RAD51B: variants seen among roughly 807,000 people sequenced by gnomAD.
The protein encoded by RAD51B is DNA repair protein RAD51 homolog 2.
Under a neutral mutation model 42.2 loss-of-function variants are expected in RAD51B, and 38 were observed. The observed-to-expected ratio is 0.90, with a 90% CI of 0.70 to 1.18. RAD51B has a LOEUF of 1.18. Ranked by LOEUF, RAD51B falls within the 50% of genes most tolerant of loss-of-function variation. The pLI is 0.00. For missense variants in RAD51B, 373 were observed against 400.7 expected, an observed-to-expected ratio of 0.93 and a Z score of 0.59; for synonymous variants, 154 against 145.2, an observed-to-expected ratio of 1.06 and a Z score of -0.43.
intron 7 of RAD51B, among the ~76,000 whole-genome samples, chr14:68,268,048 G>C: frequency 6.6e-6 from 1 of 152,114 alleles, no homozygotes; most frequent in Admixed American, 6.5e-5. Context: ...GAATAGAGTG[G>C]CTAGGAGAGA....
chr14:68,635,940 G>A (rs1892331418), intron 10 of RAD51B, among the ~76,000 whole-genome samples: 1 of 152,274 alleles, frequency 6.6e-6, no homozygotes, highest in African/African-American at 2.4e-5. Flanking sequence ...CCCCTCCCAG[G>A]GAGGAAAACA....
chr14:67,823,622 TG>T lies in RAD51B; in HGVS notation c.80del (p.Cys27PhefsTer13), dbSNP rs1230883944. ...DRLSRHQILT[C>X]QDFLCLSPLE... is the part of the protein sequence containing the mutation. ...TCTGAGTAGACATCAGATCCTTACC[TG>T]TCAGGTAAATTTTATTTAACATTTT... is the stretch of plus-strand genomic sequence containing the variant. On this transcript the variant is annotated frameshift_variant, in exon 2 of 11. Coordinates refer to ENST00000471583, the MANE Select transcript of RAD51B (RefSeq NM_133510.4). LOFTEE classifies it high-confidence loss of function. 1.2e-6 allele frequency: 2 copies of T among 1,610,454 alleles called. No individual in the cohort carries two copies. Among genetic ancestry groups the T allele is most frequent in the Non-Finnish European group, 1.7e-6 (2 of 1,178,292 alleles).
At chr14:68,310,777 A>G (rs2081954235) in intron 8 of RAD51B, among the ~76,000 whole-genome samples, 1 of 152,142 alleles carries the variant, frequency 6.6e-6, no homozygotes, top group Non-Finnish European at 1.5e-5. Context: ...CCTGGGAGGC[A>G]GAGGTTTCAG....
intron 7 of RAD51B, among the ~76,000 whole-genome samples, chr14:67,983,952 T>C (rs1341486008): frequency 2.0e-5 from 3 of 151,980 alleles, no homozygotes; most frequent in Non-Finnish European, 4.4e-5. Flanking sequence ...TTCTTTCTTT[T>C]TTTTCTTGAC....
intron 7 of RAD51B, among the ~76,000 whole-genome samples, chr14:68,010,216 G>A (rs1016259489): frequency 1.3e-5 from 2 of 151,822 alleles, no homozygotes; most frequent in Admixed American, 1.3e-4. Context: ...ATAGCACTAA[G>A]GAGAGTTGTA....
At chr14:67,978,311 T>TA (rs2075031416) in intron 7 of RAD51B, among the ~76,000 whole-genome samples, 2 of 152,334 alleles carry the variant, frequency 1.3e-5, no homozygotes, top group Admixed American at 1.3e-4. Context: ...TCTTGATTCT[T>TA]ACCTTTTATC....
chr14:68,265,824 T>A (rs536961367), intron 7 of RAD51B, among the ~76,000 whole-genome samples: 1 of 152,282 alleles, frequency 6.6e-6, no homozygotes, highest in East Asian at 1.9e-4. Context: ...ATTCTGTTGG[T>A]ATGAATCAAG....
At chr14:68,013,814 A>G (rs2075728921) in intron 7 of RAD51B, among the ~76,000 whole-genome samples, 1 of 152,200 alleles carries the variant, frequency 6.6e-6, no homozygotes, top group African/African-American at 2.4e-5. Context: ...AATGTCTTAA[A>G]TAAGTACAAA....
intron 10 of RAD51B, among the ~76,000 whole-genome samples, chr14:68,645,507 T>G (rs1199692222): frequency 6.6e-6 from 1 of 152,270 alleles, no homozygotes; most frequent in Non-Finnish European, 1.5e-5. Context: ...ATTTTGGGTA[T>G]GTACCCAGAA....
At chr14:68,580,670 C>T (rs1890172072) in intron 10 of RAD51B, among the ~76,000 whole-genome samples, 1 of 152,200 alleles carries the variant, frequency 6.6e-6, no homozygotes, top group Non-Finnish European at 1.5e-5. Flanking sequence ...ACGCCTGCCC[C>T]ACACCTCCCA....
rs543398328 is a variant in RAD51B, at chr14:68,638,076, C to T, written c.1037-12705C>T. ...GTAAGAGGCCTCAAAGTCACAATGT[C>T]CCTCGGGAGAGAAAGGAGAGAAGGC... On this transcript the variant is annotated intron_variant, in intron 10 of 11. Transcript: ENST00000488612. Among the ~76,000 whole-genome samples the T allele has an allele frequency of 2.0e-5, 3 of 152,314 alleles. No homozygotes were observed. In the East Asian group the frequency reaches 5.8e-4, roughly 29 times the overall value.
intron 11 of RAD51B, among the ~76,000 whole-genome samples, chr14:68,663,875 C>A (rs1444654315): frequency 6.6e-6 from 1 of 152,208 alleles, no homozygotes; most frequent in Non-Finnish European, 1.5e-5. Flanking sequence ...AGTCCCCTCT[C>A]ACAAATTCTT....
At chr14:68,052,207 C>G (rs2140421523) in intron 7 of RAD51B, among the ~76,000 whole-genome samples, 1 of 152,280 alleles carries the variant, frequency 6.6e-6, no homozygotes, top group Non-Finnish European at 1.5e-5. Flanking sequence ...CCAGAAATCT[C>G]TTAAATTACA....
At chr14:68,383,655 A>C (rs1234531515) in intron 8 of RAD51B, among the ~76,000 whole-genome samples, 3 of 152,122 alleles carry the variant, frequency 2.0e-5, no homozygotes, top group Non-Finnish European at 2.9e-5. Context: ...AAAAAAAAAA[A>C]ACACAATGAA....
intron 7 of RAD51B, among the ~76,000 whole-genome samples, chr14:68,062,977 G>A (rs936840181): frequency 5.3e-5 from 8 of 152,084 alleles, no homozygotes; most frequent in South Asian, 2.1e-4. Context: ...TTGGTAGATC[G>A]TATGTGCCCA....
At chr14:68,665,914 A>T (rs1458212175) in intron 11 of RAD51B, among the ~76,000 whole-genome samples, 2 of 152,230 alleles carry the variant, frequency 1.3e-5, no homozygotes, top group Non-Finnish European at 2.9e-5. Flanking sequence ...TAAGCCAATC[A>T]GAGCATTAGA....
intron 7 of RAD51B, among the ~76,000 whole-genome samples, chr14:68,176,855 T>G (rs151028054): frequency 6.6e-6 from 1 of 152,264 alleles, no homozygotes; most frequent in African/African-American, 2.4e-5. Context: ...GGCTTCTGGA[T>G]TGTTTCAGTT....
chr14:68,357,757 A>C (rs1443539251), intron 8 of RAD51B, among the ~76,000 whole-genome samples: 1 of 152,170 alleles, frequency 6.6e-6, no homozygotes, highest in Non-Finnish European at 1.5e-5. Flanking sequence ...TCTGAGCAGT[A>C]AGTCTCAATG....
In RAD51B at chr14:68,042,586, C is replaced by T. The variant is rs140909684; in HGVS notation, c.756+155382C>T. Among the ~76,000 whole-genome samples the T allele has an allele frequency of 4.7e-3, 719 of 152,214 alleles. 3 individuals carry two copies. Among genetic ancestry groups the T allele is most frequent in the Admixed American group, 8.2e-3 (125 of 15,286 alleles). On this transcript the variant is annotated intron_variant, in intron 7 of 10. Transcript: ENST00000471583. ...GAAGGGTTTTTTTTCCTTTCTGCCA[C>T]ATATTTTTGTACACACCCTTTCTCC...
Sources: allele counts gnomAD v4.1 joint callset (sites outside exome capture counted in the v4.1 genomes callset), GRCh38; gene constraint gnomAD v4.1.1; transcripts MANE v1.5; gene names NCBI Gene and HGNC (gene_info 2026-07-23, HGNC 2026-07-21).